Variants in PRKD1 observed in about 807,000 individuals in gnomAD.
PRKD1 encodes the protein protein kinase D1, also known as serine/threonine-protein kinase D1.
In PRKD1, 63 loss-of-function variants were observed where a neutral mutation model predicts 95.9. That is an observed-to-expected ratio of 0.66 (90% confidence interval 0.54 to 0.81). The LOEUF is 0.81. Among genes scored for constraint, PRKD1 ranks in the 30% least tolerant of loss-of-function variants. The pLI is 0.00. For missense variants in PRKD1, 1,048 were observed against 1,165.3 expected, an observed-to-expected ratio of 0.90 and a Z score of 1.47; for synonymous variants, 425 against 423.1, an observed-to-expected ratio of 1.00 and a Z score of -0.05.
At chr14:29,643,984 C>A (rs911914646) in intron 4 of PRKD1, among the ~76,000 whole-genome samples, 17 of 152,180 alleles carry the variant, frequency 1.1e-4, no homozygotes, top group African/African-American at 3.1e-4. Flanking sequence ...GCCAACATCT[C>A]TTTATGGATT....
At position 29,794,803 on chromosome 14, in the gene PRKD1, G is replaced by C. The variant is rs145127483; in HGVS notation, c.265-69129C>G. The stretch of plus-strand genomic sequence containing the variant: ...TTTTCTTGAGGAAGTCTCAAAAATA[G>C]AAGCCAAAAGATAGAATCAAAGGTA... On this transcript the variant is annotated intron_variant, in intron 1 of 17. Transcript: ENST00000331968. Among the ~76,000 whole-genome samples, 13 of 152,064 alleles carry C rather than the reference G, an allele frequency of 8.5e-5. No homozygotes were observed. The East Asian group carries it at 2.5e-3, about 29-fold the overall frequency.
intron 1 of PRKD1, among the ~76,000 whole-genome samples, chr14:29,857,913 GTCC>G (rs1354661690): frequency 6.6e-6 from 1 of 152,244 alleles, no homozygotes; most frequent in African/African-American, 2.4e-5. Flanking sequence ...CCTTGGTTCT[GTCC>G]TCCTAAGAAC....
intron 1 of PRKD1, among the ~76,000 whole-genome samples, chr14:29,904,557 T>A (rs763333153): frequency 3.9e-4 from 60 of 152,174 alleles, no homozygotes; most frequent in Non-Finnish European, 6.6e-4. Flanking sequence ...GTTAGCTATA[T>A]TAAGGATAAT....
chr14:29,603,972 C>A (rs1304158185), intron 13 of PRKD1, among the ~76,000 whole-genome samples: 1 of 152,084 alleles, frequency 6.6e-6, no homozygotes, highest in Admixed American at 6.6e-5. Context: ...TAAGTTGTTT[C>A]GATGCCTGGG....
intron 1 of PRKD1, among the ~76,000 whole-genome samples, chr14:29,730,783 A>G (rs1462664604): frequency 6.6e-6 from 1 of 152,142 alleles, no homozygotes; most frequent in Middle Eastern, 3.2e-3. Context: ...AACATCTACC[A>G]TATGTGGAAT....
intron 15 of PRKD1, 72 bp from the exon 16 acceptor site, chr14:29,597,830 C>T: frequency 1.4e-6 from 2 of 1,383,448 alleles, no homozygotes; most frequent in South Asian, 2.8e-5. Context: ...TCAGATTCAC[C>T]AGATACAACC....
At chr14:29,816,049 C>G (rs1395679877) in intron 1 of PRKD1, among the ~76,000 whole-genome samples, 1 of 152,086 alleles carries the variant, frequency 6.6e-6, no homozygotes, top group East Asian at 1.9e-4. Flanking sequence ...GAAACCCCAT[C>G]TCTACTAAAA....
chr14:29,723,421 G>C (rs181362977), intron 2 of PRKD1, among the ~76,000 whole-genome samples: 32 of 152,234 alleles, frequency 2.1e-4, no homozygotes, highest in African/African-American at 5.5e-4. Flanking sequence ...CCGGGAAAAA[G>C]AAAGGAACAT....
At chr14:29,735,874 TTA>T (rs1468380220) in intron 1 of PRKD1, among the ~76,000 whole-genome samples, 1 of 152,226 alleles carries the variant, frequency 6.6e-6, no homozygotes, top group East Asian at 1.9e-4. Context: ...CTAATTGTTA[TTA>T]TGTTTCTTTA....
intron 1 of PRKD1, among the ~76,000 whole-genome samples, chr14:29,744,295 T>A (rs1015343075): frequency 2.6e-5 from 4 of 152,210 alleles, no homozygotes; most frequent in African/African-American, 9.6e-5. Context: ...ATCCAGTTGT[T>A]CAGTTAGAAA....
At chr14:29,779,236 G>A (rs1018477141) in intron 1 of PRKD1, among the ~76,000 whole-genome samples, 2 of 152,224 alleles carry the variant, frequency 1.3e-5, no homozygotes, top group African/African-American at 4.8e-5. Flanking sequence ...ACAAGACAGG[G>A]ATGTCCTTTC....
At position 29,599,672 on chromosome 14, in the gene PRKD1, T is replaced by C. The variant is rs770772494; in HGVS notation, c.2051A>G (p.Lys684Arg). The change falls in exon 14 of 18, where the codon AAG (lysine) becomes AGG (arginine). Residue 684 changes from lysine to arginine, a missense_variant. Lys to Arg is a conservative substitution (Grantham distance 26). Around this residue, in one of 3 missense-constraint regions of PRKD1, gnomAD observed 739 missense variants for 861.9 expected, o/e 0.86. Transcript: ENST00000331968. ...ATTTCTTACCTGAGTAATTAAAAAC[T>C]TCGTTATGTGCTCTGGCAACCTGCC... The part of the protein sequence containing the change: ...EKGRLPEHIT[K>R]FLITQILVAL... 1.9e-6 allele frequency: 3 copies of C among 1,610,976 alleles called. No homozygotes were observed. Among genetic ancestry groups the C allele is most frequent in the Admixed American group, 3.4e-5 (2 of 59,352 alleles).
intron 1 of PRKD1, among the ~76,000 whole-genome samples, chr14:29,741,883 T>A (rs2139435476): frequency 6.6e-6 from 1 of 152,230 alleles, no homozygotes. Context: ...TTTCTTTGAT[T>A]AATATTATGA....
At chr14:29,650,158 T>C (rs1257482752) in intron 4 of PRKD1, 1 of 152,290 alleles carries the variant, frequency 6.6e-6, no homozygotes, top group African/African-American at 2.4e-5. Context: ...CTGTCTCTGT[T>C]GGGGTGTGAG....
intron 1 of PRKD1, among the ~76,000 whole-genome samples, chr14:29,762,737 C>T (rs1888054341): frequency 6.8e-6 from 1 of 147,756 alleles, no homozygotes; most frequent in Non-Finnish European, 1.5e-5. Context: ...CGTGTGCATA[C>T]ACATATATTA....
chr14:29,813,197 C>T (rs77258243), intron 1 of PRKD1, among the ~76,000 whole-genome samples: 3,223 of 152,238 alleles, frequency 0.021, 44 homozygotes, highest in East Asian at 0.08. Context: ...ACTCTGGAAA[C>T]TTAAGTGTCT....
intron 1 of PRKD1, among the ~76,000 whole-genome samples, chr14:29,801,637 A>C (rs1418266732): frequency 6.6e-6 from 1 of 152,214 alleles, no homozygotes; most frequent in Non-Finnish European, 1.5e-5. Context: ...TATATGAATT[A>C]CATGAAGAGC....
At chr14:29,841,355 G>C (rs1891835280) in intron 1 of PRKD1, among the ~76,000 whole-genome samples, 1 of 152,086 alleles carries the variant, frequency 6.6e-6, no homozygotes. Flanking sequence ...GGCCGGGGCA[G>C]AATTATATGG....
At chr14:29,609,889 C>T (rs1878333815) in intron 13 of PRKD1, among the ~76,000 whole-genome samples, 1 of 151,890 alleles carries the variant, frequency 6.6e-6, no homozygotes, top group South Asian at 2.1e-4. Context: ...AACCTATCCA[C>T]ACACCTCGCA....
Sources: gnomAD v4.1 joint callset for allele counts (sites outside exome capture counted in the v4.1 genomes callset) on GRCh38, gnomAD v4.1.1 for gene constraint, gnomAD v4.1.1 regional missense constraint, MANE v1.5 for transcripts, NCBI Gene and HGNC (gene_info 2026-07-23, HGNC 2026-07-21) for gene names.